The following COQ8A variants were observed in gnomAD, a reference collection of about 807,000 sequenced individuals.
COQ8A encodes the protein atypical kinase COQ8A, mitochondrial.
COQ8A carries 51 observed loss-of-function variants against 65.0 expected under a neutral mutation model. That is an observed-to-expected ratio of 0.78 (90% CI 0.63 to 0.99). The LOEUF (loss-of-function observed/expected upper bound fraction) is 0.99, where lower values mean the gene tolerates loss of function less well. Ranked by LOEUF, COQ8A falls within the 50% of genes least tolerant of loss-of-function variation. COQ8A has a pLI of 0.00. For synonymous variants in COQ8A, 371 were observed against 353.2 expected, an observed-to-expected ratio of 1.05 and a Z score of -0.57; for missense variants, 940 against 875.0, an observed-to-expected ratio of 1.07 and a Z score of -0.94.
intron 2 of COQ8A, among the ~76,000 whole-genome samples, chr1:226,962,997 G>A (rs79987697): frequency 0.042 from 6,387 of 152,270 alleles, 440 homozygotes; most frequent in African/African-American, 0.14. Context: ...CCTCGGCCTC[G>A]CTCTTGGGTG....
rs1658960456 is a variant in COQ8A, at chr1:226,972,431, A to T, written c.656-5018A>T. On this transcript the variant is annotated intron_variant, in intron 4 of 14. Transcript: ENST00000366777. This position sits in a 1 kb window ranked among gnomAD's most constrained non-coding sequence, Gnocchi z 4.3. ...TGGGCCAGGAATGAAGAGTAGAGGG[A>T]ATGGACCTTTGGGTATCCTATTATT... Among the ~76,000 whole-genome samples, 1 of 152,130 alleles carries T rather than the reference A, an allele frequency of 6.6e-6. No homozygotes were observed. Among genetic ancestry groups the T allele is most frequent in the South Asian group, 2.1e-4 (1 of 4,828 alleles).
chr1:226,966,732 A>G (rs1379197140), intron 4 of COQ8A, among the ~76,000 whole-genome samples: 2 of 151,726 alleles, frequency 1.3e-5, no homozygotes, highest in Admixed American at 6.5e-5. Context: ...TACACCATCC[A>G]TCATACATGC....
rs2802272 is a variant in COQ8A, at chr1:226,949,248, G to T, written c.-10+8849G>T. Among the ~76,000 whole-genome samples the T allele has an allele frequency of 1.1e-3, 168 of 151,956 alleles. 4 individuals carry two copies. The East Asian group carries it at 0.025, about 23-fold the overall frequency. On this transcript the variant is annotated intron_variant, in intron 1 of 14. Coordinates refer to ENST00000366777, the MANE Select transcript of COQ8A (RefSeq NM_020247.5). This position sits in a 1 kb window ranked among gnomAD's most constrained non-coding sequence, Gnocchi z 4.0. ...GATTTCGATGCCTGGGACTTCAGGC[G>T]CAGGAGTTTGGGTTTTATATATATG... is the stretch of plus-strand genomic sequence containing the variant.
intron 1 of COQ8A, among the ~76,000 whole-genome samples, 170 bp from the exon 2 acceptor site, chr1:226,961,207 G>A (rs1261394959): frequency 1.3e-5 from 2 of 152,216 alleles, no homozygotes; most frequent in East Asian, 1.9e-4. Context: ...CCAGAGTCAC[G>A]TGGAGCCTCC....
At chr1:226,978,423 AC>A (rs1303407893) in intron 5 of COQ8A, among the ~76,000 whole-genome samples, 1 of 112,346 alleles carries the variant, frequency 8.9e-6, no homozygotes, top group Non-Finnish European at 1.8e-5. Context: ...CACCCTCCAC[AC>A]ACCCACCTCT....
chr1:226,982,064 C>T lies in COQ8A; in HGVS notation c.768C>T (p.Ser256=), dbSNP rs779433640. 4.1e-5 allele frequency: 66 copies of T among 1,612,768 alleles called. No individual in the cohort carries two copies. The highest frequency in any genetic ancestry group is 1.2e-4 in the Admixed American group (7 of 59,998). ...KAVLGSSPFL[S]EANAERIVRT... ...TGCTGGGTTCCAGTCCTTTCCTGTC[C>T]GAGGCCAATGCAGAGCGGATCGTGC... The change falls in exon 6 of 15, where the codon TCC becomes TCT. Residue 256 remains serine (S), a synonymous_variant. Transcript: ENST00000366777.
chr1:226,944,416 A>T (rs1310511761), intron 1 of COQ8A, among the ~76,000 whole-genome samples: 1 of 151,784 alleles, frequency 6.6e-6, no homozygotes, highest in Non-Finnish European at 1.5e-5. Context: ...GAGGGCTTTT[A>T]TGATTGAAGG....
rs145350362 is a variant in COQ8A at position 226,965,687 on chromosome 1, G to T, written c.605G>T (p.Arg202Leu). ...TCCCTCCAGCTCAGCGAGCATGCCC[G>T]GGAGCGGAAGGTGCCTGTGACGAGG... ...QHKQTLSEHA[R>L]ERKVPVTRIG... Residue 202 changes from arginine to leucine, a missense_variant, in exon 4 of 15, where the codon CGG becomes CTG. Physicochemically the swap from Arg to Leu is moderately radical, Grantham distance 102. Coordinates refer to ENST00000366777, the MANE Select transcript of COQ8A (RefSeq NM_020247.5). 6.2e-7 allele frequency: 1 copy of T among 1,614,044 alleles called. No homozygotes were observed. The highest frequency in any genetic ancestry group is 1.1e-5 in the South Asian group (1 of 91,082).
intron 4 of COQ8A, among the ~76,000 whole-genome samples, chr1:226,976,064 G>A (rs1659174243): frequency 6.6e-6 from 1 of 151,958 alleles, no homozygotes; most frequent in Non-Finnish European, 1.5e-5. Context: ...GCCGGGCAGT[G>A]GGGCTGTGGC....
chr1:226,969,591 T>C (rs1655672296), intron 4 of COQ8A, among the ~76,000 whole-genome samples: 1 of 152,256 alleles, frequency 6.6e-6, no homozygotes, highest in Admixed American at 6.5e-5. Context: ...TCTTATGTTA[T>C]GCCTCTTTTC....
intron 4 of COQ8A, among the ~76,000 whole-genome samples, chr1:226,974,585 C>T (rs1360336941): frequency 1.3e-5 from 2 of 152,190 alleles, no homozygotes; most frequent in Admixed American, 1.3e-4. Context: ...AGGGCAGAGG[C>T]TGGCCTGGGT....
chr1:226,967,198 A>T (rs191893176), intron 4 of COQ8A, among the ~76,000 whole-genome samples: 2 of 152,304 alleles, frequency 1.3e-5, no homozygotes, highest in Admixed American at 1.3e-4. Context: ...AAGACTTGGC[A>T]TGTTACTTGC....
At chr1:226,954,187 G>A (rs1023389621) in intron 1 of COQ8A, among the ~76,000 whole-genome samples, 2 of 152,218 alleles carry the variant, frequency 1.3e-5, no homozygotes, top group Non-Finnish European at 2.9e-5. Flanking sequence ...TGTGGGTCAC[G>A]GTCTCTAAGC....
Position 226,986,476 on chromosome 1 carries a change from T to C in COQ8A, c.1683T>C (p.Asp561=). Residue 561 remains aspartate, a synonymous_variant, in exon 15 of 15, where the codon GAT becomes GAC. Transcript: ENST00000366777. ...EVKVMEDAHL[D]AILILGEAFA... The stretch of plus-strand genomic sequence containing the variant: ...AGGTCATGGAAGACGCCCACTTGGA[T>C]GCCATCCTCATCCTGGGGGAGGCCT... The C allele has an allele frequency of 6.2e-7, 1 of 1,613,100 alleles. No individual in the cohort carries two copies. Among genetic ancestry groups the C allele is most frequent in the Non-Finnish European group, 8.5e-7 (1 of 1,179,996 alleles).
At chr1:226,952,013 T>A (rs952084813) in intron 1 of COQ8A, among the ~76,000 whole-genome samples, 4 of 152,230 alleles carry the variant, frequency 2.6e-5, no homozygotes, top group Admixed American at 2.0e-4. Context: ...ACTACCCAGT[T>A]CTAAACTAGG....
intron 5 of COQ8A, among the ~76,000 whole-genome samples, chr1:226,978,595 T>A (rs1322921812): frequency 4.1e-5 from 2 of 48,608 alleles, no homozygotes; most frequent in Non-Finnish European, 5.6e-5. Flanking sequence ...CTCCACACAC[T>A]CTACCCTCTA....
chr1:226,983,829 G>A lies in COQ8A; in HGVS notation c.1231G>A (p.Glu411Lys). The part of the protein sequence containing the change: ...ELALECDYQR[E>K]AACARKFRDL... ...GGCCCTGGAGTGTGACTACCAGCGA[G>A]AGGCCGCCTGTGCCCGCAAGTTCAG... The change falls in exon 10 of 15, where the codon GAG (glutamate) becomes AAG (lysine). Residue 411 changes from glutamate (E) to lysine (K), a missense_variant. By Grantham distance (56) the Glu-to-Lys change is moderately conservative. Transcript: ENST00000366777. 1 of 1,611,478 alleles carries A rather than the reference G, an allele frequency of 6.2e-7. No individual in the cohort carries two copies. The highest frequency in any genetic ancestry group is 8.5e-7 in the Non-Finnish European group (1 of 1,179,972).
chr1:226,981,639 C>T (rs1659696434), intron 5 of COQ8A, among the ~76,000 whole-genome samples: 1 of 152,210 alleles, frequency 6.6e-6, no homozygotes, highest in Non-Finnish European at 1.5e-5. Context: ...AGGCTCGGCA[C>T]CTCCTCACCT....
At chr1:226,960,236 G>A (rs1658080893) in intron 1 of COQ8A, among the ~76,000 whole-genome samples, 1 of 150,594 alleles carries the variant, frequency 6.6e-6, no homozygotes, top group Admixed American at 6.6e-5. Flanking sequence ...GGTACTTGGT[G>A]GTGGTGGTCC....
Sources: allele counts gnomAD v4.1 joint callset (sites outside exome capture counted in the v4.1 genomes callset), GRCh38; gene constraint gnomAD v4.1.1; non-coding constraint Gnocchi (gnomAD v3.1); transcripts MANE v1.5; gene names NCBI Gene and HGNC (gene_info 2026-07-23, HGNC 2026-07-21).